Variants in DLG2 observed in about 807,000 individuals in gnomAD.
DLG2 encodes disks large homolog 2.
In DLG2, 45 loss-of-function variants were observed where a neutral mutation model predicts 132.5. The observed-to-expected ratio is 0.34, with a 90% CI of 0.27 to 0.44. The LOEUF is 0.44. DLG2 is among the 20% of genes least tolerant of loss of function. The pLI, the probability that DLG2 is intolerant of heterozygous loss-of-function variation, is 1.00. For synonymous variants in DLG2, 424 were observed against 419.6 expected (o/e 1.01, Z -0.13); for missense variants, 1,045 against 1,196.9 (o/e 0.87, Z 1.87).
At chr11:85,439,006 G>C (rs2091637878) in intron 3 of DLG2, among the ~76,000 whole-genome samples, 1 of 152,076 alleles carries the variant, frequency 6.6e-6, no homozygotes, top group Non-Finnish European at 1.5e-5. Context: ...TCCAACTTAT[G>C]TATATATTAA....
At chr11:84,097,592 A>G (rs1449319527) in intron 10 of DLG2, among the ~76,000 whole-genome samples, 3 of 152,138 alleles carry the variant, frequency 2.0e-5, no homozygotes, top group Non-Finnish European at 4.4e-5. Flanking sequence ...TCTTCCTTAC[A>G]GTCATTAACA....
chr11:85,362,197 T>C (rs1279601484), intron 3 of DLG2, among the ~76,000 whole-genome samples: 1 of 152,146 alleles, frequency 6.6e-6, no homozygotes, highest in African/African-American at 2.4e-5. Flanking sequence ...CTCAAGCCGT[T>C]TCCCACCTTG....
intron 6 of DLG2, among the ~76,000 whole-genome samples, chr11:84,907,523 T>C (rs2091649545): frequency 6.6e-6 from 1 of 152,152 alleles, no homozygotes; most frequent in South Asian, 2.1e-4. Flanking sequence ...ATTAAGGAGT[T>C]TATGTGTGAG....
intron 6 of DLG2, among the ~76,000 whole-genome samples, chr11:84,563,137 G>A (rs1330208024): frequency 2.0e-5 from 3 of 152,142 alleles, no homozygotes; most frequent in Non-Finnish European, 2.9e-5. Context: ...TAGCACTGTC[G>A]CTAGCATATA....
chr11:85,135,623 A>C (rs1456768731), intron 5 of DLG2, among the ~76,000 whole-genome samples: 2 of 152,326 alleles, frequency 1.3e-5, no homozygotes, highest in Non-Finnish European at 2.9e-5. Flanking sequence ...GTTCTAGAAT[A>C]CCTTAGGCAG....
At chr11:84,599,195 A>C (rs2099570287) in intron 6 of DLG2, among the ~76,000 whole-genome samples, 1 of 152,150 alleles carries the variant, frequency 6.6e-6, no homozygotes, top group African/African-American at 2.4e-5. Context: ...CAGTGAGCCA[A>C]GATCATGCCA....
intron 4 of DLG2, among the ~76,000 whole-genome samples, chr11:85,269,270 G>A (rs1202210493): frequency 1.3e-5 from 2 of 152,188 alleles, no homozygotes; most frequent in Non-Finnish European, 2.9e-5. Flanking sequence ...AGCATGTCTG[G>A]CTTGGATCTT....
chr11:84,652,288 G>A, intron 6 of DLG2, among the ~76,000 whole-genome samples: 1 of 152,092 alleles, frequency 6.6e-6, no homozygotes, highest in South Asian at 2.1e-4. Flanking sequence ...ATAGTCTAAT[G>A]AGAAATAATA....
chr11:84,069,055 T>A (rs79972527), intron 10 of DLG2, among the ~76,000 whole-genome samples: 1 of 152,316 alleles, frequency 6.6e-6, no homozygotes, highest in Non-Finnish European at 1.5e-5. Context: ...GATCAATCTT[T>A]CTCACACTTT....
At chr11:85,272,195 C>T (rs1398168853) in intron 4 of DLG2, among the ~76,000 whole-genome samples, 2 of 152,126 alleles carry the variant, frequency 1.3e-5, no homozygotes, top group Admixed American at 1.3e-4. Flanking sequence ...AGTTTCCCTG[C>T]ACAAGCTCTC....
At chr11:85,389,950 A>G (rs976279563) in intron 3 of DLG2, among the ~76,000 whole-genome samples, 1 of 152,112 alleles carries the variant, frequency 6.6e-6, no homozygotes, top group African/African-American at 2.4e-5. Flanking sequence ...GCAACAACAC[A>G]ATGAAAAAAG....
chr11:85,424,130 C>T (rs2090533486), intron 3 of DLG2, among the ~76,000 whole-genome samples: 1 of 152,234 alleles, frequency 6.6e-6, no homozygotes, highest in South Asian at 2.1e-4. Flanking sequence ...GCTGTCTACA[C>T]TGACTCAGCT....
At position 84,022,482 on chromosome 11, in the gene DLG2, C is replaced by G. The variant is rs139777015; in HGVS notation, c.919+36833G>C. Among the ~76,000 whole-genome samples, 27 of 152,252 alleles carry G rather than the reference C, an allele frequency of 1.8e-4. No individual in the cohort carries two copies. In the East Asian group the frequency reaches 4.1e-3, roughly 23 times the overall value. On this transcript the variant is annotated intron_variant, in intron 11 of 27. Coordinates refer to ENST00000376104, the MANE Select transcript of DLG2 (RefSeq NM_001142699.3). ...AAAGCTTTTGAGAAATAACAGGGCT[C>G]TCTTCTATAGAAACAAAAGCCTCAC...
chr11:83,669,563 AT>A (rs2076485495), intron 18 of DLG2, among the ~76,000 whole-genome samples: 1 of 152,222 alleles, frequency 6.6e-6, no homozygotes, highest in African/African-American at 2.4e-5. Context: ...GGTCCACTTA[AT>A]TAAAAACGAA....
At chr11:84,029,947 C>A (rs925872926) in intron 11 of DLG2, among the ~76,000 whole-genome samples, 5 of 152,130 alleles carry the variant, frequency 3.3e-5, no homozygotes, top group Non-Finnish European at 7.4e-5. Context: ...TTATACCCTG[C>A]TTTTATCCTT....
At chr11:84,243,021 A>ATATG (rs2097255468) in intron 8 of DLG2, among the ~76,000 whole-genome samples, 12 of 86,050 alleles carry the variant, frequency 1.4e-4, no homozygotes, top group Non-Finnish European at 2.9e-4. Context: ...CTCTCTCTAT[A>ATATG]TATATATATA....
At chr11:84,142,627 G>A (rs2094903421) in intron 9 of DLG2, among the ~76,000 whole-genome samples, 1 of 152,144 alleles carries the variant, frequency 6.6e-6, no homozygotes, top group African/African-American at 2.4e-5. Flanking sequence ...GCGGGTGAGA[G>A]TCATCCAATC....
At chr11:84,477,623 T>C (rs1238470678) in intron 7 of DLG2, among the ~76,000 whole-genome samples, 1 of 152,124 alleles carries the variant, frequency 6.6e-6, no homozygotes, top group South Asian at 2.1e-4. Flanking sequence ...CGGATTAGAG[T>C]GCAAATGCAT....
intron 3 of DLG2, among the ~76,000 whole-genome samples, chr11:85,436,140 A>G (rs1253686075): frequency 6.6e-6 from 1 of 152,210 alleles, no homozygotes; most frequent in Non-Finnish European, 1.5e-5. Context: ...CCTTCCTTAC[A>G]TCTTATACAA....
Sources: gnomAD v4.1 joint callset for allele counts (sites outside exome capture counted in the v4.1 genomes callset) on GRCh38, gnomAD v4.1.1 for gene constraint, MANE v1.5 for transcripts, NCBI Gene and HGNC (gene_info 2026-07-23, HGNC 2026-07-21) for gene names.